Variants in SGCG observed in about 807,000 individuals in gnomAD.
SGCG encodes sarcoglycan gamma.
A neutral mutation model predicts 29.3 loss-of-function variants in SGCG; 26 were observed. That is an observed-to-expected ratio of 0.89 (90% CI 0.65 to 1.23). The LOEUF is 1.23. Ranked by LOEUF, SGCG falls within the 50% of genes most tolerant of loss-of-function variation. The pLI is 0.00. For missense variants in SGCG, 353 were observed against 356.0 expected (o/e 0.99, Z 0.07); for synonymous variants, 145 against 129.7 (o/e 1.12, Z -0.80).
At chr13:23,272,972 G>A (rs1880925238) in intron 4 of SGCG, among the ~76,000 whole-genome samples, 2 of 152,000 alleles carry the variant, frequency 1.3e-5, no homozygotes, top group Non-Finnish European at 2.9e-5. Context: ...TCCATGTGTT[G>A]TGTATTTGTG....
At chr13:23,233,014 C>CA (rs901847648) in intron 2 of SGCG, among the ~76,000 whole-genome samples, 22 of 152,216 alleles carry the variant, frequency 1.4e-4, no homozygotes, top group Admixed American at 1.3e-3. Flanking sequence ...TGGCAGTTCT[C>CA]AAAAAATTAA....
chr13:23,204,617 TCTTTCTTTC>T (rs1242207766), intron 2 of SGCG, among the ~76,000 whole-genome samples: 41 of 20,968 alleles, frequency 2.0e-3, no homozygotes, highest in Admixed American at 5.0e-3. Context: ...TTCTTTCTTT[TCTTTCTTTC>T]CTTTCTTTCC....
chr13:23,324,378 A>G lies in SGCG; in HGVS notation c.713A>G (p.Asp238Gly). Residue 238 changes from aspartate (D) to glycine (G), a missense_variant, in exon 8 of 8, where the codon GAT becomes GGT. By Grantham distance (94) the Asp-to-Gly change is moderately conservative. Coordinates refer to ENST00000218867, the MANE Select transcript of SGCG (RefSeq NM_000231.3). Reference sequence around the variant, plus strand: ...TCTTCTCCCAACCAGCTTGTGCTTGATGCTGAAACTGTGTGCTTACCCAAG... The same window carrying G: ...TCTTCTCCCAACCAGCTTGTGCTTGGTGCTGAAACTGTGTGCTTACCCAAG... Reference protein sequence around the residue: ...FHSSDGMLVLDAETVCLPKLV... With the variant: ...FHSSDGMLVLGAETVCLPKLV... 6.2e-7 allele frequency: 1 copy of G among 1,614,162 alleles called. No homozygotes were observed.
chr13:23,262,867 A>G (rs922785889), intron 4 of SGCG, among the ~76,000 whole-genome samples: 2 of 152,012 alleles, frequency 1.3e-5, no homozygotes, highest in South Asian at 2.1e-4. Flanking sequence ...TCAAAATTAT[A>G]CAAATGTATG....
At chr13:23,166,923 A>T in the SGCG span, among the ~76,000 whole-genome samples, 9 of 152,184 alleles carry the variant, frequency 5.9e-5, no homozygotes, top group African/African-American at 2.2e-4. Flanking sequence ...CAATCCAATT[A>T]TACTCTTTTT....
intron 3 of SGCG, among the ~76,000 whole-genome samples, chr13:23,235,174 A>G (rs963596792): frequency 2.6e-5 from 4 of 152,136 alleles, no homozygotes; most frequent in African/African-American, 9.7e-5. Flanking sequence ...AGCTTGGCCA[A>G]CATGGATAAA....
intron 5 of SGCG, among the ~76,000 whole-genome samples, chr13:23,280,784 G>A (rs1387265294): frequency 1.3e-5 from 2 of 152,178 alleles, no homozygotes; most frequent in Non-Finnish European, 2.9e-5. Context: ...AATGTGCAAA[G>A]GACAGCAGAG....
intron 6 of SGCG, among the ~76,000 whole-genome samples, chr13:23,318,442 A>G (rs1023214670): frequency 1.3e-5 from 2 of 150,506 alleles, no homozygotes; most frequent in Non-Finnish European, 3.0e-5. Context: ...AATATTTAAT[A>G]TAGAAATATA....
At chr13:23,300,809 T>TAA (rs58050317) in intron 6 of SGCG, among the ~76,000 whole-genome samples, 93 of 122,448 alleles carry the variant, frequency 7.6e-4, no homozygotes, top group South Asian at 2.9e-3. Flanking sequence ...ACTAGTTTAC[T>TAA]AAAAAAAAAA....
intron 2 of SGCG, among the ~76,000 whole-genome samples, chr13:23,212,800 G>A (rs147680727): frequency 3.2e-4 from 48 of 152,250 alleles, no homozygotes; most frequent in South Asian, 1.2e-3. Flanking sequence ...AGCTAAGTCC[G>A]TGTTGCAGAG....
At chr13:23,200,579 C>T (rs1235461971) in intron 1 of SGCG, among the ~76,000 whole-genome samples, 4 of 152,012 alleles carry the variant, frequency 2.6e-5, no homozygotes, top group East Asian at 1.9e-4. Flanking sequence ...AAAACCTCAC[C>T]CTCTCAGGGC....
At chr13:23,191,870 C>T (rs1246828596) in intron 1 of SGCG, among the ~76,000 whole-genome samples, 1 of 152,118 alleles carries the variant, frequency 6.6e-6, no homozygotes, top group Non-Finnish European at 1.5e-5. Flanking sequence ...GAGTAGCGTA[C>T]TCGGACACTG....
At chr13:23,322,765 T>TCCCC (rs1189871837) in intron 7 of SGCG, among the ~76,000 whole-genome samples, 70 of 61,454 alleles carry the variant, frequency 1.1e-3, no homozygotes, top group Admixed American at 2.2e-3. Flanking sequence ...CCCCCACCCA[T>TCCCC]CCACCTCCCC....
intron 3 of SGCG, among the ~76,000 whole-genome samples, chr13:23,248,808 C>T (rs1462325065): frequency 2.6e-5 from 4 of 151,700 alleles, no homozygotes; most frequent in Admixed American, 6.6e-5. Context: ...TTGGCTAACA[C>T]GGTGAAACCC....
At chr13:23,274,421 G>A (rs76070129) in intron 4 of SGCG, among the ~76,000 whole-genome samples, 6 of 31,128 alleles carry the variant, frequency 1.9e-4, no homozygotes, top group African/African-American at 8.1e-4. Context: ...TTTTTTTTTT[G>A]AGATGGGGTC....
chr13:23,317,515 T>G (rs1882864306), intron 6 of SGCG, among the ~76,000 whole-genome samples: 1 of 128,486 alleles, frequency 7.8e-6, no homozygotes, highest in Admixed American at 8.0e-5. Flanking sequence ...AAACGGGGAC[T>G]GTAATTATGA....
chr13:23,270,689 G>C (rs757263204), intron 4 of SGCG, among the ~76,000 whole-genome samples: 1 of 152,006 alleles, frequency 6.6e-6, no homozygotes, highest in Non-Finnish European at 1.5e-5. Flanking sequence ...ACTTGTTATT[G>C]TTATGTATTC....
chr13:23,321,907 G>GAAA (rs35265625), intron 7 of SGCG, among the ~76,000 whole-genome samples: 1 of 146,770 alleles, frequency 6.8e-6, no homozygotes, highest in East Asian at 2.0e-4. Context: ...CTGTTTGTTA[G>GAAA]AAAAAAAAAA....
chr13:23,253,700 A>T (rs1880063235), intron 4 of SGCG, among the ~76,000 whole-genome samples: 1 of 152,202 alleles, frequency 6.6e-6, no homozygotes, highest in African/African-American at 2.4e-5. Flanking sequence ...TCATGGTGAA[A>T]TGTGATTCCC....
Sources: gnomAD v4.1 joint callset for allele counts (sites outside exome capture counted in the v4.1 genomes callset) on GRCh38, gnomAD v4.1.1 for gene constraint, MANE v1.5 for transcripts, NCBI Gene and HGNC (gene_info 2026-07-23, HGNC 2026-07-21) for gene names.